Variants in NHSL1 observed in about 807,000 individuals in gnomAD.
NHSL1 encodes NHS like 1.
Under a neutral mutation model 95.0 loss-of-function variants are expected in NHSL1, and 48 were observed. That is an observed-to-expected ratio of 0.51 (90% CI 0.40 to 0.64). The LOEUF (loss-of-function observed/expected upper bound fraction) is 0.64. NHSL1 is among the 30% of genes least tolerant of loss of function. The pLI, the probability that NHSL1 is intolerant of heterozygous loss-of-function variation, is 0.00. For synonymous variants in NHSL1, 783 were observed against 833.9 expected (o/e 0.94, Z 1.05); for missense variants, 1,971 against 2,077.7 (o/e 0.95, Z 1.00).
At chr6:138,515,761 G>A (rs1275613374) in intron 1 of NHSL1, among the ~76,000 whole-genome samples, 8 of 152,190 alleles carry the variant, frequency 5.3e-5, no homozygotes, top group Admixed American at 2.0e-4. Flanking sequence ...TAATAGTATC[G>A]GGGAAAACTT....
At chr6:138,611,787 T>C (rs1407786546) in intron 1 of NHSL1, among the ~76,000 whole-genome samples, 7 of 150,300 alleles carry the variant, frequency 4.7e-5, no homozygotes. Flanking sequence ...AAAGGCTGCC[T>C]AAAGACCTAG....
chr6:138,558,399 G>C (rs1783279863), intron 1 of NHSL1, among the ~76,000 whole-genome samples: 1 of 150,252 alleles, frequency 6.7e-6, no homozygotes, highest in African/African-American at 2.5e-5. Context: ...TGGGATTACA[G>C]GGGTAAGCCA....
intron 1 of NHSL1, among the ~76,000 whole-genome samples, chr6:138,566,729 T>C (rs1040519300): frequency 1.3e-5 from 2 of 150,698 alleles, no homozygotes; most frequent in Non-Finnish European, 3.0e-5. Context: ...TAAAGACATA[T>C]TAAAATGAAC....
In NHSL1 at chr6:138,496,237, G is replaced by A. The variant is rs938990931; in HGVS notation, c.193C>T (p.Leu65Phe). Residue 65 changes from leucine to phenylalanine, a missense_variant, in exon 2 of 8, where the codon CTC becomes TTC. Physicochemically the swap from Leu to Phe is conservative, Grantham distance 22. Coordinates refer to ENST00000343505, the MANE Select transcript of NHSL1 (RefSeq NM_001144060.2). ...EDLHRQAKLN[L>F]KSVLRECDKL... ...ATCTTACCCCTCAGTACTGATTTGA[G>A]GTTGAGCTTGGCTTGGCGGTGCAGG... 13 of 1,550,940 alleles carry A rather than the reference G, an allele frequency of 8.4e-6. No homozygotes were observed. The African/African-American group carries it at 1.8e-4, about 21-fold the overall frequency.
At chr6:138,524,638 A>G (rs1014674686) in intron 1 of NHSL1, among the ~76,000 whole-genome samples, 3 of 152,070 alleles carry the variant, frequency 2.0e-5, no homozygotes. Context: ...ATAGTGCACT[A>G]TGAACATTCT....
In NHSL1 at chr6:138,432,551, C is replaced by T. The variant is rs955163253; in HGVS notation, c.1794G>A (p.Ser598=). ...AGCCATCGTGGTCCTCAGAATACAG[C>T]GACCCAGCATCCTCTTTGTTGGACG... ...DQTSNKEDAG[S]LYSEDHDGYC... is the part of the protein sequence containing the mutation. Residue 598 remains serine (S), a synonymous_variant, in exon 6 of 8, where the codon TCG becomes TCA. Transcript: ENST00000343505. The surrounding 1 kb of genome is among the most constrained non-coding windows in gnomAD (Gnocchi z 4.4). 37 of 1,551,882 alleles carry T rather than the reference C, an allele frequency of 2.4e-5. No homozygotes were observed. The highest frequency in any genetic ancestry group is 9.5e-5 in the South Asian group (8 of 84,060).
chr6:138,580,932 G>C (rs1052378417), intron 1 of NHSL1, among the ~76,000 whole-genome samples: 1 of 152,208 alleles, frequency 6.6e-6, no homozygotes. Context: ...GAGAGAAGCA[G>C]GGGGAGGTTT....
intron 1 of NHSL1, among the ~76,000 whole-genome samples, chr6:138,556,077 T>G (rs939301082): frequency 5.9e-5 from 9 of 152,120 alleles, no homozygotes; most frequent in African/African-American, 2.2e-4. Context: ...TTAAAGACTG[T>G]GTACATATAT....
chr6:138,651,035 T>C, intron 1 of NHSL1: 1 of 404,472 alleles, frequency 2.5e-6, no homozygotes, highest in Non-Finnish European at 4.8e-6. Context: ...GTAACAAAGT[T>C]CTTCTAAATT....
chr6:138,617,663 C>T (rs1784598648), intron 1 of NHSL1, among the ~76,000 whole-genome samples: 1 of 152,220 alleles, frequency 6.6e-6, no homozygotes, highest in African/African-American at 2.4e-5. Flanking sequence ...GACACACATA[C>T]ACAAACACAA....
intron 1 of NHSL1, among the ~76,000 whole-genome samples, chr6:138,505,854 T>C (rs1193969485): frequency 6.6e-6 from 1 of 152,184 alleles, no homozygotes; most frequent in Non-Finnish European, 1.5e-5. Context: ...CAACCTTATC[T>C]ATAAATGGTG....
Position 138,432,531 on chromosome 6 carries a change from T to C in NHSL1, c.1814A>G (p.Asp605Gly). The C allele has an allele frequency of 2.6e-6, 4 of 1,552,158 alleles. No homozygotes were observed. The highest frequency in any genetic ancestry group is 3.5e-6 in the Non-Finnish European group (4 of 1,147,090). The change falls in exon 6 of 8, where the codon GAT (aspartate) becomes GGT (glycine). Residue 605 changes from aspartate to glycine, a missense_variant. This residue lies in a region of NHSL1 where 1,602 missense variants were observed against 1,654.5 expected (regional missense o/e 0.97). Coordinates refer to ENST00000343505, the MANE Select transcript of NHSL1 (RefSeq NM_001144060.2). This position sits in a 1 kb window ranked among gnomAD's most constrained non-coding sequence, Gnocchi z 4.4. ...AGTGTGCACAGATGCACAGTAGCCA[T>C]CGTGGTCCTCAGAATACAGCGACCC... is the stretch of plus-strand genomic sequence containing the variant. Reference protein sequence around the residue: ...DAGSLYSEDHDGYCASVHTDS... With the variant: ...DAGSLYSEDHGGYCASVHTDS...
At chr6:138,508,936 C>T (rs1007507155) in intron 1 of NHSL1, among the ~76,000 whole-genome samples, 1 of 152,098 alleles carries the variant, frequency 6.6e-6, no homozygotes, top group South Asian at 2.1e-4. Flanking sequence ...ATCCATCTAC[C>T]CAAGTAATAC....
At chr6:138,617,107 G>A (rs1784590054) in intron 1 of NHSL1, among the ~76,000 whole-genome samples, 1 of 152,190 alleles carries the variant, frequency 6.6e-6, no homozygotes, top group Admixed American at 6.5e-5. Context: ...CTATAATTAA[G>A]TGCAAAAGCT....
chr6:138,620,724 A>C (rs560715415), intron 1 of NHSL1, among the ~76,000 whole-genome samples: 1 of 152,240 alleles, frequency 6.6e-6, no homozygotes, highest in African/African-American at 2.4e-5. Flanking sequence ...CTAGAACTTA[A>C]AAAAAATATA....
chr6:138,452,040 T>A (rs572870338), intron 3 of NHSL1, among the ~76,000 whole-genome samples: 1 of 152,338 alleles, frequency 6.6e-6, no homozygotes, highest in African/African-American at 2.4e-5. Flanking sequence ...GTGACTTTTT[T>A]AAAAACTGAG....
At chr6:138,465,874 C>A (rs1778331293) in intron 3 of NHSL1, among the ~76,000 whole-genome samples, 1 of 151,718 alleles carries the variant, frequency 6.6e-6, no homozygotes, top group Non-Finnish European at 1.5e-5. Context: ...CAGGTGCCTG[C>A]CACCATGCCC....
At chr6:138,576,215 C>T (rs1280183213), upstream of NHSL1, among the ~76,000 whole-genome samples, 1 of 152,134 alleles carries the variant, frequency 6.6e-6, no homozygotes, top group African/African-American at 2.4e-5. Context: ...TGATCTCAAA[C>T]TCCTGATGTC....
chr6:138,623,588 AG>A (rs1460338563), intron 1 of NHSL1, among the ~76,000 whole-genome samples: 1 of 152,192 alleles, frequency 6.6e-6, no homozygotes, highest in African/African-American at 2.4e-5. Flanking sequence ...TATTAACTAT[AG>A]ACATCATGTT....
Sources: gnomAD v4.1 joint callset for allele counts (sites outside exome capture counted in the v4.1 genomes callset) on GRCh38, gnomAD v4.1.1 for gene constraint, gnomAD v4.1.1 regional missense constraint, Gnocchi (gnomAD v3.1) non-coding constraint, MANE v1.5 for transcripts, NCBI Gene and HGNC (gene_info 2026-07-23, HGNC 2026-07-21) for gene names.